ARHGEF28: variants seen among roughly 807,000 people sequenced by gnomAD.
ARHGEF28 encodes 190 kDa guanine nucleotide exchange factor.
ARHGEF28 carries 152 observed loss-of-function variants against 206.6 expected under a neutral mutation model. That is an observed-to-expected ratio of 0.74 (90% CI 0.64 to 0.84). The LOEUF is 0.84. ARHGEF28 is among the 40% of genes least tolerant of loss of function. The pLI, the probability that ARHGEF28 is intolerant of heterozygous loss-of-function variation, is 0.00. For synonymous variants in ARHGEF28, 763 were observed against 776.4 expected, an observed-to-expected ratio of 0.98 and a Z score of 0.29; for missense variants, 2,028 against 2,073.2, an observed-to-expected ratio of 0.98 and a Z score of 0.42.
intron 1 of ARHGEF28, 38 bp from the exon 2 acceptor site, chr5:73,684,803 C>T (rs749774110): frequency 6.3e-7 from 1 of 1,593,654 alleles, no homozygotes; most frequent in Admixed American, 1.7e-5. Flanking sequence ...CATGGGGCCT[C>T]CTGCAATAAC....
In ARHGEF28 at chr5:73,853,234, G is replaced by C. The variant is rs933330047; in HGVS notation, c.1790+542G>C. Among the ~76,000 whole-genome samples, 6 of 152,206 alleles carry C rather than the reference G, an allele frequency of 3.9e-5. No individual in the cohort carries two copies. In the South Asian group the frequency reaches 1.0e-3, roughly 26 times the overall value. ...CTCCTAGAAGGTAAAACTGTTGTTG[G>C]AGTATAGCTTGGGAAGCAGACCAGT... On this transcript the variant is annotated intron_variant, in intron 14 of 35. Transcript: ENST00000513042.
chr5:73,887,766 A>G (rs924862116), intron 26 of ARHGEF28, 87 bp downstream of exon 26: 84 of 1,135,466 alleles, frequency 7.4e-5, no homozygotes, highest in Non-Finnish European at 9.7e-5. Context: ...AGTGAAATAT[A>G]ATAGTCACAG....
intron 22 of ARHGEF28, among the ~76,000 whole-genome samples, chr5:73,878,906 G>C (rs1760720518): frequency 6.6e-6 from 1 of 151,954 alleles, no homozygotes; most frequent in African/African-American, 2.4e-5. Context: ...ATGTGTCTTG[G>C]AGTTGGTCTT....
chr5:73,730,560 G>T (rs77381211), intron 2 of ARHGEF28, among the ~76,000 whole-genome samples: 2,128 of 144,536 alleles, frequency 0.015, 45 homozygotes, highest in African/African-American at 0.053. Flanking sequence ...TTTTTGTCAG[G>T]GTTTCATCTG....
At chr5:73,734,089 G>C (rs1580541109) in intron 2 of ARHGEF28, among the ~76,000 whole-genome samples, 1 of 152,072 alleles carries the variant, frequency 6.6e-6, no homozygotes, top group Non-Finnish European at 1.5e-5. Flanking sequence ...CTCCCACCAG[G>C]CCCCACCCCC....
intron 5 of ARHGEF28, among the ~76,000 whole-genome samples, chr5:73,775,816 A>C (rs2339607): frequency 0.47 from 71,989 of 151,862 alleles, 17,153 homozygotes; most frequent in Non-Finnish European, 0.49. Flanking sequence ...ATGAAGCCTG[A>C]ATGTAATTTA....
At chr5:73,644,200 T>C (rs1451532810) in intron 1 of ARHGEF28, among the ~76,000 whole-genome samples, 3 of 149,400 alleles carry the variant, frequency 2.0e-5, no homozygotes, top group African/African-American at 7.4e-5. Context: ...GACCACTCAG[T>C]ATGTAGCTCT....
chr5:73,835,248 G>A (rs1157499267), intron 10 of ARHGEF28: 2 of 152,382 alleles, frequency 1.3e-5, no homozygotes, highest in South Asian at 2.1e-4. Context: ...GAGACGGGCG[G>A]ATCACGAGGT....
chr5:73,792,791 A>G (rs1754560632), intron 7 of ARHGEF28, among the ~76,000 whole-genome samples: 1 of 151,990 alleles, frequency 6.6e-6, no homozygotes, highest in South Asian at 2.1e-4. Context: ...CTTCACATCA[A>G]TTTTCTGCAT....
rs777802412 is a variant in ARHGEF28 at position 73,904,399 on chromosome 5, C to T, written c.4155C>T (p.Ser1385=). The part of the protein sequence containing the change: ...AIQNLTRLLY[S]LQAALTIQDS... Reference sequence around the variant, plus strand: ...AGAATTTAACCCGTCTCTTATACAGCCTTCAGGTAACTATCCTCCTCTAAT... The same window carrying T: ...AGAATTTAACCCGTCTCTTATACAGTCTTCAGGTAACTATCCTCCTCTAAT... Residue 1385 remains serine (S), a synonymous_variant, in exon 33 of 36, where the codon AGC becomes AGT. Coordinates refer to ENST00000513042, the MANE Select transcript of ARHGEF28 (RefSeq NM_001177693.2). 6 of 1,610,428 alleles carry T rather than the reference C, an allele frequency of 3.7e-6. No homozygotes were observed. Among genetic ancestry groups the T allele is most frequent in the Non-Finnish European group, 5.1e-6 (6 of 1,178,186 alleles).
chr5:73,839,341 T>G (rs1037058706), intron 10 of ARHGEF28, among the ~76,000 whole-genome samples: 1 of 152,196 alleles, frequency 6.6e-6, no homozygotes, highest in African/African-American at 2.4e-5. Context: ...AAGCATTCAT[T>G]AATGGTTTTT....
intron 27 of ARHGEF28, 120 bp downstream of exon 27, chr5:73,892,350 C>T: frequency 9.3e-7 from 1 of 1,080,008 alleles, no homozygotes; most frequent in South Asian, 1.7e-5. Flanking sequence ...CCCCTGCCCC[C>T]TGCACCTGCC....
At chr5:73,809,604 A>G (rs1463760704) in intron 9 of ARHGEF28, among the ~76,000 whole-genome samples, 1 of 152,262 alleles carries the variant, frequency 6.6e-6, no homozygotes, top group African/African-American at 2.4e-5. Context: ...ACTGTAATTC[A>G]GATCAAAATG....
At chr5:73,894,008 G>C (rs777691452) in intron 28 of ARHGEF28, among the ~76,000 whole-genome samples, 2 of 150,048 alleles carry the variant, frequency 1.3e-5, no homozygotes, top group African/African-American at 5.0e-5. Flanking sequence ...AGCCTGTGCC[G>C]TTCCAGGCAT....
chr5:73,754,093 C>T (rs1752176826), intron 4 of ARHGEF28, among the ~76,000 whole-genome samples: 1 of 152,108 alleles, frequency 6.6e-6, no homozygotes, highest in Admixed American at 6.5e-5. Context: ...TTCCTGTGAC[C>T]TTAGCTTTGT....
chr5:73,901,418 C>A, intron 31 of ARHGEF28, 134 bp downstream of exon 31: 4 of 639,500 alleles, frequency 6.3e-6, no homozygotes, highest in Non-Finnish European at 1.1e-5. Flanking sequence ...TTTAAATATT[C>A]ATATTTAAAC....
intron 7 of ARHGEF28, among the ~76,000 whole-genome samples, chr5:73,790,849 A>T (rs932057219): frequency 6.6e-6 from 1 of 152,206 alleles, no homozygotes; most frequent in East Asian, 1.9e-4. Context: ...GTAGCAACAC[A>T]TGCAGGTGCA....
chr5:73,753,167 T>C lies in ARHGEF28; in HGVS notation c.440T>C (p.Leu147Pro), dbSNP rs374914324. ...GCTCTGACCCATCTGGAATTGCCTC[T>C]AGAGTGGACTGTGTTGGGAAGTTCT... The part of the protein sequence containing the change: ...VLALTHLELP[L>P]EWTVLGSSSL... The change falls in exon 4 of 36, where the codon CTA becomes CCA. Residue 147 changes from leucine (L) to proline (P), a missense_variant. Physicochemically the swap from Leu to Pro is moderately conservative, Grantham distance 98 (BLOSUM62 -3). Around this residue, in one of 3 missense-constraint regions of ARHGEF28, gnomAD observed 1,002 missense variants for 1,015.3 expected, o/e 0.99. Coordinates refer to ENST00000513042, the MANE Select transcript of ARHGEF28 (RefSeq NM_001177693.2). 6.5e-7 allele frequency: 1 copy of C among 1,539,538 alleles called. No homozygotes were observed. The highest frequency in any genetic ancestry group is 2.1e-5 in the Admixed American group (1 of 48,274).
intron 9 of ARHGEF28, among the ~76,000 whole-genome samples, chr5:73,819,211 C>A (rs1179058065): frequency 6.6e-6 from 1 of 152,160 alleles, no homozygotes; most frequent in Non-Finnish European, 1.5e-5. Flanking sequence ...TACAGAAATG[C>A]AGAGAGGTGC....
Sources: gnomAD v4.1 joint callset for allele counts (sites outside exome capture counted in the v4.1 genomes callset) on GRCh38, gnomAD v4.1.1 for gene constraint, gnomAD v4.1.1 regional missense constraint, MANE v1.5 for transcripts, NCBI Gene and HGNC (gene_info 2026-07-23, HGNC 2026-07-21) for gene names.